The following FAR2 variants were observed in gnomAD, a reference collection of about 807,000 sequenced individuals.
FAR2 encodes epididymis secretory protein Li 81.
Under a neutral mutation model 56.0 loss-of-function variants are expected in FAR2, and 19 were observed. The ratio of observed to expected loss-of-function variants is 0.34; its 90% CI spans 0.24 to 0.50. The LOEUF (loss-of-function observed/expected upper bound fraction) is 0.50, where lower values mean the gene tolerates loss of function less well. Among genes scored for constraint, FAR2 ranks in the 20% least tolerant of loss-of-function variants. FAR2 has a pLI of 0.98. For synonymous variants in FAR2, 219 were observed against 218.8 expected (o/e 1.00, Z -0.01); for missense variants, 508 against 642.2 (o/e 0.79, Z 2.26).
intron 1 of FAR2, among the ~76,000 whole-genome samples, chr12:29,180,735 AT>A (rs1949983895): frequency 2.0e-5 from 3 of 151,172 alleles, no homozygotes; most frequent in African/African-American, 7.3e-5. Flanking sequence ...CTATCTATCT[AT>A]CTATCTATCT....
At chr12:29,273,270 C>T (rs1473392268) in intron 2 of FAR2, among the ~76,000 whole-genome samples, 1 of 152,192 alleles carries the variant, frequency 6.6e-6, no homozygotes, top group Non-Finnish European at 1.5e-5. Flanking sequence ...ACAGAGACTG[C>T]AGCCACCTCT....
intron 1 of FAR2, among the ~76,000 whole-genome samples, chr12:29,240,858 T>G (rs958030481): frequency 6.6e-6 from 1 of 152,056 alleles, no homozygotes; most frequent in Non-Finnish European, 1.5e-5. Context: ...CAGGCTAGAG[T>G]GCAGTGACAC....
Position 29,333,797 on chromosome 12 carries a change from G to C in FAR2, c.*3G>C, listed in dbSNP as rs760322111. ...CATCCAGCACGCTCAAAGTTTAAGAGCATTTAGCCATCGCTTTTTATCTGG... is the reference window on the plus strand; with the variant it reads ...CATCCAGCACGCTCAAAGTTTAAGACCATTTAGCCATCGCTTTTTATCTGG... On this transcript the variant is annotated 3_prime_UTR_variant, in exon 12 of 12. Coordinates refer to ENST00000536681, the MANE Select transcript of FAR2 (RefSeq NM_001271783.2). 5.6e-6 allele frequency: 9 copies of C among 1,612,464 alleles called. No individual in the cohort carries two copies. Among genetic ancestry groups the C allele is most frequent in the Non-Finnish European group, 7.6e-6 (9 of 1,179,322 alleles).
intron 1 of FAR2, among the ~76,000 whole-genome samples, chr12:29,181,030 C>T (rs17707217): frequency 0.043 from 6,563 of 151,882 alleles, 213 homozygotes; most frequent in East Asian, 0.1. Context: ...GTTTTATTAC[C>T]CTTAAATATT....
intron 1 of FAR2, among the ~76,000 whole-genome samples, chr12:29,196,179 T>G (rs1303238279): frequency 6.6e-6 from 1 of 152,166 alleles, no homozygotes; most frequent in African/African-American, 2.4e-5. Context: ...GTGCCTTTTT[T>G]TATAGAATGA....
intron 4 of FAR2, among the ~76,000 whole-genome samples, chr12:29,297,704 T>C (rs1419537060): frequency 1.3e-5 from 2 of 152,168 alleles, no homozygotes; most frequent in African/African-American, 2.4e-5. Flanking sequence ...AAAACACTTA[T>C]TGCAGTGCTA....
intron 1 of FAR2, among the ~76,000 whole-genome samples, chr12:29,241,008 G>C (rs1339405467): frequency 5.9e-5 from 9 of 152,112 alleles, no homozygotes; most frequent in African/African-American, 2.2e-4. Context: ...GTTTCACCAT[G>C]TTGACCAGGC....
At chr12:29,231,159 G>A (rs1460982225) in intron 1 of FAR2, among the ~76,000 whole-genome samples, 1 of 152,172 alleles carries the variant, frequency 6.6e-6, no homozygotes, top group Non-Finnish European at 1.5e-5. Context: ...TGGAGTTGGG[G>A]ATTGATAGGA....
intron 3 of FAR2, among the ~76,000 whole-genome samples, 198 bp from the exon 4 acceptor site, chr12:29,296,823 G>C (rs1949079458): frequency 6.6e-6 from 1 of 152,184 alleles, no homozygotes; most frequent in Non-Finnish European, 1.5e-5. Context: ...GGATTTATGT[G>C]CACAAAACAC....
chr12:29,234,554 G>A (rs1056044982), intron 1 of FAR2, among the ~76,000 whole-genome samples: 5 of 151,984 alleles, frequency 3.3e-5, no homozygotes, highest in African/African-American at 1.2e-4. Flanking sequence ...CCCCTGCTTC[G>A]AGTTGCTATT....
At chr12:29,236,009 G>T (rs1455550200) in intron 1 of FAR2, among the ~76,000 whole-genome samples, 1 of 152,082 alleles carries the variant, frequency 6.6e-6, no homozygotes, top group Non-Finnish European at 1.5e-5. Flanking sequence ...TAACAATATT[G>T]TAAAGCATAT....
intron 3 of FAR2, among the ~76,000 whole-genome samples, 168 bp from the exon 4 acceptor site, chr12:29,296,853 T>C (rs896506976): frequency 6.6e-6 from 1 of 152,208 alleles, no homozygotes; most frequent in African/African-American, 2.4e-5. Flanking sequence ...ACATAAAACA[T>C]TCCGAGTATC....
At chr12:29,272,826 C>T (rs1046216651) in intron 2 of FAR2, among the ~76,000 whole-genome samples, 7 of 152,044 alleles carry the variant, frequency 4.6e-5, no homozygotes, top group Non-Finnish European at 8.8e-5. Context: ...TTGTGTGGGC[C>T]TTTTTGTTGT....
intron 1 of FAR2, among the ~76,000 whole-genome samples, chr12:29,149,642 G>A (rs961771568): frequency 2.0e-5 from 3 of 152,240 alleles, no homozygotes; most frequent in East Asian, 1.9e-4. Flanking sequence ...GGCCGTTTAC[G>A]CGCGGTTGGC....
intron 1 of FAR2, among the ~76,000 whole-genome samples, chr12:29,250,998 C>A (rs1039905194): frequency 1.2e-4 from 18 of 152,086 alleles, no homozygotes; most frequent in Admixed American, 2.6e-4. Context: ...AGGAGGTGGG[C>A]ATGTTACTGT....
chr12:29,267,323 G>A (rs80082363), intron 1 of FAR2, among the ~76,000 whole-genome samples: 2,714 of 152,282 alleles, frequency 0.018, 83 homozygotes, highest in African/African-American at 0.056. Context: ...CTATGCTATA[G>A]GCAATGTATA....
At chr12:29,180,982 C>T (rs572448620) in intron 1 of FAR2, among the ~76,000 whole-genome samples, 1 of 152,040 alleles carries the variant, frequency 6.6e-6, no homozygotes, top group Non-Finnish European at 1.5e-5. Flanking sequence ...CTTTTCCAAG[C>T]ACATATATTT....
chr12:29,320,665 G>C (rs1949536317), intron 9 of FAR2, among the ~76,000 whole-genome samples: 1 of 152,120 alleles, frequency 6.6e-6, no homozygotes, highest in South Asian at 2.1e-4. Flanking sequence ...CCTAGGTTGG[G>C]GATTAGCTAT....
In FAR2 at chr12:29,319,522, T is replaced by C. The variant is rs76716424; in HGVS notation, c.1128-2273T>C. Among the ~76,000 whole-genome samples, 541 of 152,322 alleles carry C rather than the reference T, an allele frequency of 3.6e-3. 6 individuals carry two copies. Among genetic ancestry groups the C allele is most frequent in the African/African-American group, 0.012 (479 of 41,578 alleles). On this transcript the variant is annotated intron_variant, in intron 9 of 11. Transcript: ENST00000536681. ...TTTCCTATTGGGTTGTCCTTATTAA[T>C]GTATGGGAACATGTGTGTGTGAATA... is the stretch of plus-strand genomic sequence containing the variant.
Sources: gnomAD v4.1 joint callset for allele counts (sites outside exome capture counted in the v4.1 genomes callset) on GRCh38, gnomAD v4.1.1 for gene constraint, MANE v1.5 for transcripts, NCBI Gene and HGNC (gene_info 2026-07-23, HGNC 2026-07-21) for gene names.